CRPPA: variants seen among roughly 807,000 people sequenced by gnomAD.
CRPPA encodes CDP-L-ribitol pyrophosphorylase A, also known as D-ribitol-5-phosphate cytidylyltransferase.
CRPPA carries 43 observed loss-of-function variants against 52.0 expected under a neutral mutation model. The ratio of observed to expected loss-of-function variants is 0.83; its 90% confidence interval spans 0.65 to 1.07. CRPPA has a LOEUF of 1.07. CRPPA is among the 50% of genes least tolerant of loss of function. The probability of loss-of-function intolerance (pLI) is 0.00; values close to 1 mark genes in which losing one functional copy is unlikely to be tolerated. For missense variants in CRPPA, 629 were observed against 551.7 expected, an observed-to-expected ratio of 1.14 and a Z score of -1.40; for synonymous variants, 250 against 203.5, an observed-to-expected ratio of 1.23 and a Z score of -1.94.
rs146824723 is a variant in CRPPA, at chr7:16,220,804, C to G, written c.1120-4607G>C. On this transcript the variant is annotated intron_variant, in intron 8 of 9. Transcript: ENST00000407010. ...TCAGGGAAATAAAAGAGGATACAAA[C>G]AAATGGAAGAACATTCCATGCTCAT... Among the ~76,000 whole-genome samples the G allele has an allele frequency of 3.3e-5, 5 of 152,090 alleles. No individual in the cohort carries two copies. The South Asian group carries it at 6.3e-4, about 19-fold the overall frequency.
chr7:16,197,156 T>C (rs1422755181), intron 9 of CRPPA, among the ~76,000 whole-genome samples: 3 of 152,124 alleles, frequency 2.0e-5, no homozygotes, highest in Non-Finnish European at 1.5e-5. Context: ...AACCGAGTTA[T>C]GAAACCAAGC....
intron 9 of CRPPA, among the ~76,000 whole-genome samples, chr7:16,186,230 G>A (rs1332377501): frequency 1.3e-5 from 2 of 152,186 alleles, no homozygotes; most frequent in African/African-American, 4.8e-5. Context: ...TAATCCCAAT[G>A]TATTAGAGTT....
intron 9 of CRPPA, among the ~76,000 whole-genome samples, chr7:16,186,079 C>T (rs896055816): frequency 2.6e-5 from 4 of 152,192 alleles, no homozygotes; most frequent in African/African-American, 9.7e-5. Flanking sequence ...CATATGCATA[C>T]ATACATATAT....
In CRPPA at chr7:16,355,716, T is replaced by G. The variant is rs1786276724; in HGVS notation, c.684+20376A>C. Among the ~76,000 whole-genome samples the G allele has an allele frequency of 2.0e-5, 3 of 152,276 alleles. No individual in the cohort carries two copies. In the South Asian group the frequency reaches 6.2e-4, roughly 32 times the overall value. On this transcript the variant is annotated intron_variant, in intron 3 of 9. Transcript: ENST00000407010. Reference sequence around the variant, plus strand: ...CATGTTGGACTCCCAACATCCTCATTTGTTCTGGCATCTACCAACACTGAC... The same window carrying G: ...CATGTTGGACTCCCAACATCCTCATGTGTTCTGGCATCTACCAACACTGAC...
intron 5 of CRPPA, among the ~76,000 whole-genome samples, chr7:16,282,141 T>C (rs750231759): frequency 2.6e-5 from 4 of 152,058 alleles, no homozygotes; most frequent in Non-Finnish European, 5.9e-5. Context: ...AGTTGCTGAC[T>C]CTCTTCCTTT....
intron 9 of CRPPA, among the ~76,000 whole-genome samples, chr7:16,135,810 T>G (rs1470509690): frequency 6.6e-6 from 1 of 152,196 alleles, no homozygotes; most frequent in East Asian, 1.9e-4. Context: ...GGGGCTTCAG[T>G]TGTTAATCTC....
chr7:16,177,075 C>T (rs575863018), intron 9 of CRPPA, among the ~76,000 whole-genome samples: 7 of 152,082 alleles, frequency 4.6e-5, no homozygotes, highest in African/African-American at 9.6e-5. Flanking sequence ...GGTTTCAATG[C>T]ATTTATATGA....
chr7:16,312,973 G>C (rs1785065485), intron 3 of CRPPA, among the ~76,000 whole-genome samples: 1 of 151,880 alleles, frequency 6.6e-6, no homozygotes, highest in Non-Finnish European at 1.5e-5. Context: ...TCAGCTTGGT[G>C]ATATTTTGAT....
rs149882741 is a variant in CRPPA, at chr7:16,357,388, A to G, written c.684+18704T>C. On this transcript the variant is annotated intron_variant, in intron 3 of 9. Coordinates refer to ENST00000407010, the MANE Select transcript of CRPPA (RefSeq NM_001101426.4). ...GATACAGGATTTTACCATGTTGGCC[A>G]ATCTGGTCTCAAACTCCTGACCCTC... Among the ~76,000 whole-genome samples, 729 of 152,190 alleles carry G rather than the reference A, an allele frequency of 4.8e-3. 3 individuals carry two copies. The highest frequency in any genetic ancestry group is 0.01 in the Middle Eastern group (3 of 294).
chr7:16,163,625 T>A (rs1007940262), intron 9 of CRPPA, among the ~76,000 whole-genome samples: 37 of 152,266 alleles, frequency 2.4e-4, no homozygotes, highest in African/African-American at 8.7e-4. Flanking sequence ...GGTCTTTACA[T>A]TTTGGTTTGT....
Position 16,410,600 on chromosome 7 carries a change from C to T in CRPPA, c.258-4263G>A, listed in dbSNP as rs547206413. ...TTCTCACCACTTCTGGATGATCTTT[C>T]TCAAGCACAAATCTGAGGTCATCCC... On this transcript the variant is annotated intron_variant, in intron 1 of 9. Coordinates refer to ENST00000407010, the MANE Select transcript of CRPPA (RefSeq NM_001101426.4). 2.0e-5 allele frequency among the ~76,000 whole-genome samples: 3 copies of T among 152,280 alleles called. No individual in the cohort carries two copies. In the South Asian group the frequency reaches 6.2e-4, roughly 32 times the overall value.
chr7:16,398,440 G>T (rs1321877329), intron 2 of CRPPA, among the ~76,000 whole-genome samples: 1 of 152,090 alleles, frequency 6.6e-6, no homozygotes, highest in East Asian at 1.9e-4. Context: ...CGTGACCGAG[G>T]TTTGTGACAC....
At chr7:16,379,317 T>G (rs1787005853) in intron 2 of CRPPA, among the ~76,000 whole-genome samples, 1 of 152,220 alleles carries the variant, frequency 6.6e-6, no homozygotes, top group Non-Finnish European at 1.5e-5. Flanking sequence ...TGGCATTATT[T>G]CTGAGGGCTC....
chr7:16,173,218 G>C (rs1781228003), intron 9 of CRPPA, among the ~76,000 whole-genome samples: 1 of 152,156 alleles, frequency 6.6e-6, no homozygotes, highest in South Asian at 2.1e-4. Flanking sequence ...TGGTTCTAGT[G>C]CAGGCTAGGA....
intron 5 of CRPPA, among the ~76,000 whole-genome samples, chr7:16,288,329 G>A (rs1423850474): frequency 1.3e-5 from 2 of 151,652 alleles, no homozygotes; most frequent in Admixed American, 1.3e-4. Flanking sequence ...TTTCAAGCCA[G>A]TAACAACTAT....
At chr7:16,343,473 G>C (rs1785925184) in intron 3 of CRPPA, among the ~76,000 whole-genome samples, 1 of 152,078 alleles carries the variant, frequency 6.6e-6, no homozygotes, top group South Asian at 2.1e-4. Flanking sequence ...CCAGTTCCCA[G>C]ATAACTGCCA....
intron 9 of CRPPA, among the ~76,000 whole-genome samples, chr7:16,097,339 A>G (rs911367753): frequency 1.3e-5 from 2 of 152,184 alleles, no homozygotes; most frequent in Non-Finnish European, 2.9e-5. Context: ...AGACTATTAG[A>G]AGACAAAAAC....
At position 16,308,613 on chromosome 7, in the gene CRPPA, G is replaced by A; in HGVS notation, c.699C>T (p.Asp233=). 1 of 1,603,628 alleles carries A rather than the reference G, an allele frequency of 6.2e-7. No homozygotes were observed. Among genetic ancestry groups the A allele is most frequent in the Non-Finnish European group, 8.5e-7 (1 of 1,172,344 alleles). The change falls in exon 4 of 10, where the codon GAC becomes GAT. Residue 233 remains aspartate, a synonymous_variant. Coordinates refer to ENST00000407010, the MANE Select transcript of CRPPA (RefSeq NM_001101426.4). ...GCAAACACTCAGTTCCAAATTCCAA[G>A]TCATAGTCACTACACTGGTGTGGAA... ...YEAYQQCSDY[D]LEFGTECLQL...
chr7:16,399,577 G>A (rs757306932), intron 2 of CRPPA, among the ~76,000 whole-genome samples: 30 of 152,020 alleles, frequency 2.0e-4, no homozygotes, highest in African/African-American at 7.0e-4. Context: ...TTTGTGACAT[G>A]TGACAAGCGA....
Sources: gnomAD v4.1 joint callset for allele counts (sites outside exome capture counted in the v4.1 genomes callset) on GRCh38, gnomAD v4.1.1 for gene constraint, MANE v1.5 for transcripts, NCBI Gene and HGNC (gene_info 2026-07-23, HGNC 2026-07-21) for gene names.